CERT1: variants seen among roughly 807,000 people sequenced by gnomAD.
CERT1 encodes the protein ceramide transfer protein.
CERT1 carries 31 observed loss-of-function variants against 87.9 expected under a neutral mutation model. The observed-to-expected ratio is 0.35, with a 90% CI of 0.27 to 0.48. The LOEUF (loss-of-function observed/expected upper bound fraction) is 0.48, where lower values mean the gene tolerates loss of function less well. CERT1 is among the 20% of genes least tolerant of loss of function. The probability of loss-of-function intolerance (pLI) is 0.99; values close to 1 mark genes in which losing one functional copy is unlikely to be tolerated. For missense variants in CERT1, 487 were observed against 758.0 expected (o/e 0.64, Z 4.20); for synonymous variants, 289 against 250.9 (o/e 1.15, Z -1.44).
chr5:75,504,472 G>C (rs1767559503), intron 2 of CERT1, among the ~76,000 whole-genome samples: 1 of 152,040 alleles, frequency 6.6e-6, no homozygotes, highest in Non-Finnish European at 1.5e-5. Flanking sequence ...TATACAAGGG[G>C]GGAAATAATG....
chr5:75,388,428 C>T (rs1580701320), intron 12 of CERT1, among the ~76,000 whole-genome samples: 1 of 151,594 alleles, frequency 6.6e-6, no homozygotes. Context: ...CTCACCTCAC[C>T]CTTGTCACAA....
intron 14 of CERT1, among the ~76,000 whole-genome samples, chr5:75,384,169 T>C (rs942668563): frequency 2.0e-5 from 3 of 152,204 alleles, no homozygotes; most frequent in South Asian, 2.1e-4. Context: ...TTACCTCTTA[T>C]AGAAACTAGA....
At chr5:75,373,616 A>G (rs1761162115), downstream of CERT1, 1 of 152,576 alleles carries the variant, frequency 6.6e-6, no homozygotes, top group Admixed American at 6.5e-5. Flanking sequence ...TTATTAAGAG[A>G]CACATGACAA....
At chr5:75,431,712 C>G (rs1024876425) in intron 3 of CERT1, among the ~76,000 whole-genome samples, 1 of 152,174 alleles carries the variant, frequency 6.6e-6, no homozygotes, top group Admixed American at 6.5e-5. Context: ...TAATGGCCAC[C>G]AGTTCCATCC....
chr5:75,374,142 T>C (rs1307912173), downstream of CERT1: 3 of 400,442 alleles, frequency 7.5e-6, no homozygotes, highest in Non-Finnish European at 1.3e-5. Flanking sequence ...TCAGCTTTTT[T>C]TTTTCTTTTT....
At chr5:75,399,703 C>T (rs1188246456) in intron 10 of CERT1, among the ~76,000 whole-genome samples, 2 of 152,100 alleles carry the variant, frequency 1.3e-5, no homozygotes. Flanking sequence ...CCCCAACTTT[C>T]CCCTTAAATA....
At chr5:75,404,734 T>A (rs1762636532) in intron 8 of CERT1, among the ~76,000 whole-genome samples, 1 of 152,142 alleles carries the variant, frequency 6.6e-6, no homozygotes, top group Non-Finnish European at 1.5e-5. Context: ...TCTGGCCAAG[T>A]ATGGTGGCTC....
chr5:75,499,871 C>T (rs1267638645), intron 2 of CERT1, among the ~76,000 whole-genome samples: 1 of 152,084 alleles, frequency 6.6e-6, no homozygotes, highest in Non-Finnish European at 1.5e-5. Flanking sequence ...TGAACTGTGC[C>T]CCCCTCAAAA....
At chr5:75,479,384 T>A (rs989214435) in intron 2 of CERT1, among the ~76,000 whole-genome samples, 1 of 152,108 alleles carries the variant, frequency 6.6e-6, no homozygotes, top group South Asian at 2.1e-4. Context: ...GTACAGATTG[T>A]TTCATCACCC....
intron 11 of CERT1, among the ~76,000 whole-genome samples, chr5:75,391,090 G>A (rs1410028240): frequency 6.6e-6 from 1 of 152,102 alleles, no homozygotes; most frequent in Non-Finnish European, 1.5e-5. Flanking sequence ...CTCAGCCTCT[G>A]AGTAGGTGGG....
chr5:75,373,063 A>C (rs1352479174), downstream of CERT1: 1 of 152,244 alleles, frequency 6.6e-6, no homozygotes, highest in East Asian at 1.9e-4. Context: ...TTCTTACAGC[A>C]ACAAAGAAAA....
At chr5:75,460,404 T>C (rs78689700) in intron 2 of CERT1, among the ~76,000 whole-genome samples, 2 of 152,326 alleles carry the variant, frequency 1.3e-5, no homozygotes, top group East Asian at 3.9e-4. Flanking sequence ...ACATGAGCTA[T>C]CTAGAGAAAA....
intron 2 of CERT1, among the ~76,000 whole-genome samples, chr5:75,487,979 TACTA>T (rs1766602902): frequency 1.3e-5 from 2 of 152,036 alleles, no homozygotes; most frequent in Admixed American, 6.6e-5. Flanking sequence ...TGCATGTTCT[TACTA>T]ATTTGTGTGA....
At chr5:75,400,090 C>T in intron 10 of CERT1, 115 bp downstream of exon 10, 1 of 736,926 alleles carries the variant, frequency 1.4e-6, no homozygotes. Flanking sequence ...CGAGATCGCG[C>T]CACTGCACTC....
At chr5:75,426,525 C>T (rs2112188233) in intron 3 of CERT1, 47 bp from the exon 4 acceptor site, 1 of 1,355,494 alleles carries the variant, frequency 7.4e-7, no homozygotes, top group South Asian at 1.2e-5. Context: ...ATAAAAAATA[C>T]TTGAGAAAAC....
intron 8 of CERT1, among the ~76,000 whole-genome samples, chr5:75,405,356 G>A (rs1186069750): frequency 2.0e-5 from 3 of 152,026 alleles, no homozygotes; most frequent in Non-Finnish European, 4.4e-5. Context: ...GTGTTCCTCA[G>A]GGTTCCATAC....
At chr5:75,411,167 T>C (rs1762921140) in intron 7 of CERT1, 64 bp from the exon 8 acceptor site, 4 of 858,398 alleles carry the variant, frequency 4.7e-6, no homozygotes, top group Non-Finnish European at 7.4e-6. Flanking sequence ...TGAAGTCTTT[T>C]AGGTGGAATT....
intron 3 of CERT1, 78 bp downstream of exon 3, chr5:75,458,985 CAT>C: frequency 1.4e-6 from 1 of 732,006 alleles, no homozygotes. Flanking sequence ...ACTAATGTCA[CAT>C]GTCAACTTTT....
chr5:75,374,298 A>G (rs559109847), downstream of CERT1: 14 of 469,776 alleles, frequency 3.0e-5, no homozygotes, highest in Non-Finnish European at 4.8e-5. Flanking sequence ...CTCCATATTC[A>G]TGGAATGCAT....
Sources: allele counts gnomAD v4.1 joint callset (sites outside exome capture counted in the v4.1 genomes callset), GRCh38; gene constraint gnomAD v4.1.1; transcripts MANE v1.5; gene names NCBI Gene and HGNC (gene_info 2026-07-23, HGNC 2026-07-21).